NUTM2D: variants seen among roughly 807,000 people sequenced by gnomAD.
NUTM2D encodes NUT family member 2A pseudogene.
NUTM2D carries 2 observed loss-of-function variants against 43.5 expected under a neutral mutation model. That is an observed-to-expected ratio of 0.05 (90% CI 0.02 to 0.14). The LOEUF (loss-of-function observed/expected upper bound fraction) is 0.14. Ranked by LOEUF, NUTM2D falls within the 10% of genes least tolerant of loss-of-function variation. The pLI is 1.00. For missense variants in NUTM2D, 48 were observed against 668.7 expected, an observed-to-expected ratio of 0.07 and a Z score of 10.24; for synonymous variants, 24 against 276.6, an observed-to-expected ratio of 0.09 and a Z score of 9.06.
downstream of NUTM2D, chr10:87,368,359 GGT>G (rs1850323985): frequency 9.8e-6 from 1 of 101,912 alleles, no homozygotes; most frequent in African/African-American, 3.8e-5. Context: ...TCTTCTCCAC[GGT>G]CTGAGTTCTG....
At chr10:87,367,337 G>C, downstream of NUTM2D, 2 of 1,609,388 alleles carry the variant, frequency 1.2e-6, no homozygotes, top group Non-Finnish European at 1.7e-6. Context: ...GACGTAGGGA[G>C]CCCCTTCAGA....
At chr10:87,367,331 T>C (rs775225708), downstream of NUTM2D, 13 of 1,609,326 alleles carry the variant, frequency 8.1e-6, no homozygotes, top group Non-Finnish European at 9.3e-6. Flanking sequence ...CCTCCTGACG[T>C]AGGGAGCCCC....
At position 87,358,255 on chromosome 10, in the gene NUTM2D, T is replaced by G. The variant is rs201024932; in HGVS notation, c.-11T>G. 9.2e-5 allele frequency: 149 copies of G among 1,612,132 alleles called. No homozygotes were observed. The Middle Eastern group carries it at 1.9e-3, about 21-fold the overall frequency. On this transcript the variant is annotated 5_prime_UTR_variant, in exon 1 of 7. Transcript: ENST00000381697. ...ACTGCCCCTCCCCCTCTGCAGAATG[T>G]CTGGGGTCCTATGTTCCAGGAACCT...
chr10:87,365,301 G>C (rs1418479605), intron 5 of NUTM2D, 98 bp downstream of exon 5: 1 of 1,572,728 alleles, frequency 6.4e-7, no homozygotes, highest in African/African-American at 1.4e-5. Flanking sequence ...TCAGCAGTGT[G>C]TGTATTTCCA....
At chr10:87,365,339 G>A in intron 5 of NUTM2D, 136 bp downstream of exon 5, 2 of 1,509,106 alleles carry the variant, frequency 1.3e-6, no homozygotes, top group Non-Finnish European at 1.8e-6. Flanking sequence ...GTATGTGATT[G>A]TGTGTGTCTG....
At chr10:87,365,666 C>A in intron 5 of NUTM2D, 23 bp from the exon 6 acceptor site, 1 of 539,844 alleles carries the variant, frequency 1.9e-6, no homozygotes, top group East Asian at 3.0e-5. Context: ...AGGAAGCTCA[C>A]GCCTTCTTCC....
At position 87,365,762 on chromosome 10, in the gene NUTM2D, TA is replaced by T; in HGVS notation, c.1594del (p.Ser532AlafsTer15). The T allele has an allele frequency of 8.2e-7, 1 of 1,226,574 alleles. No homozygotes were observed. Among genetic ancestry groups the T allele is most frequent in the Non-Finnish European group, 1.2e-6 (1 of 849,640 alleles). 76.0% of individuals were successfully genotyped at this position (1,226,574 alleles called of 1,614,324 possible). A position where few individuals can be genotyped will look rare whatever the true frequency, so the allele number is the denominator to read the frequency against. On this transcript the variant is annotated frameshift_variant, in exon 6 of 7. Coordinates refer to ENST00000381697, the MANE Select transcript of NUTM2D (RefSeq NM_001382304.1). LOFTEE classifies it high-confidence loss of function. ...SPDPQMDFLA[L>X]SQELEQEEGL... ...GATCCACAGATGGATTTCTTGGCCCTAAGCCAGGAGCTGGAGCAGGAGGAAG... is the reference window on the plus strand; with the variant it reads ...GATCCACAGATGGATTTCTTGGCCCTAGCCAGGAGCTGGAGCAGGAGGAAG...
chr10:87,370,377 C>T (rs188654472), downstream of NUTM2D: 1 of 152,312 alleles, frequency 6.6e-6, no homozygotes, highest in Admixed American at 6.5e-5. Flanking sequence ...CAGAAGGTGC[C>T]AGACTGTTCC....
chr10:87,361,394 G>T lies in NUTM2D; in HGVS notation c.866+214G>T, dbSNP rs1331393371. Among the ~76,000 whole-genome samples, 2 of 53,224 alleles carry T rather than the reference G, an allele frequency of 3.8e-5. 1 individual carries two copies. The highest frequency in any genetic ancestry group is 8.3e-5 in the Non-Finnish European group (2 of 24,164). 34.9% of individuals were successfully genotyped at this position (53,224 alleles called of 152,430 possible). The stretch of plus-strand genomic sequence containing the variant: ...CATCTCAACTGCCCGTCACTGTCTC[G>T]TGAGTCCAGCCAATCCTTACTTTCA... On this transcript the variant is annotated intron_variant, in intron 2 of 6. Coordinates refer to ENST00000381697, the MANE Select transcript of NUTM2D (RefSeq NM_001382304.1).
chr10:87,360,678 G>A lies in NUTM2D; in HGVS notation c.364G>A (p.Gly122Ser). Residue 122 changes from glycine (G) to serine (S), a missense_variant, in exon 2 of 7, where the codon GGC becomes AGC. Transcript: ENST00000381697. ...TPLVTEQDGCGPSGAGASNVF... is the reference protein window; with the variant it reads ...TPLVTEQDGCSPSGAGASNVF... ...TCTGGTGACAGAACAGGATGGCTGC[G>A]GCCCGAGTGGGGCCGGGGCTTCCAA... The A allele has an allele frequency of 9.6e-6, 5 of 520,446 alleles. 2 individuals carry two copies. Among genetic ancestry groups the A allele is most frequent in the African/African-American group, 6.5e-5 (2 of 30,862 alleles). 32.2% of individuals were successfully genotyped at this position (520,446 alleles called of 1,614,324 possible).
At chr10:87,363,058 CAG>C (rs1170989777) in intron 2 of NUTM2D, 78 bp from the exon 3 acceptor site, 6 of 177,280 alleles carry the variant, frequency 3.4e-5, no homozygotes, top group Non-Finnish European at 6.9e-5. Flanking sequence ...GTGGGGAGGA[CAG>C]GGGCCAGGTG....
intron 1 of NUTM2D, among the ~76,000 whole-genome samples, chr10:87,359,789 G>A (rs1168460474): frequency 4.7e-5 from 7 of 148,548 alleles, no homozygotes; most frequent in Non-Finnish European, 6.0e-5. Flanking sequence ...AGCTTCCTGA[G>A]TGGCAGCCGG....
intron 1 of NUTM2D, among the ~76,000 whole-genome samples, chr10:87,359,879 C>T (rs1291349937): frequency 6.6e-6 from 1 of 152,266 alleles, no homozygotes; most frequent in Non-Finnish European, 1.5e-5. Context: ...AGGACAATCA[C>T]TTGCATGCTG....
chr10:87,367,434 T>G (rs61858526), downstream of NUTM2D: 258 of 1,557,614 alleles, frequency 1.7e-4, 2 homozygotes, highest in Non-Finnish European at 2.2e-4. Context: ...GGAGGCTTCT[T>G]GGGGCCCCCT....
downstream of NUTM2D, chr10:87,370,170 A>G (rs1564647992): frequency 1.3e-5 from 2 of 152,260 alleles, no homozygotes; most frequent in Non-Finnish European, 2.9e-5. Flanking sequence ...ATAATATTCC[A>G]TTAATGGATA....
At chr10:87,367,246 G>T (rs1850310255), downstream of NUTM2D, 2 of 1,411,384 alleles carry the variant, frequency 1.4e-6, no homozygotes, top group East Asian at 2.3e-5. Context: ...CTCCGTGGAG[G>T]GTGTCTGTGA....
chr10:87,370,018 TAACTTCA>T (rs917262801), downstream of NUTM2D: 1 of 152,158 alleles, frequency 6.6e-6, no homozygotes, highest in African/African-American at 2.4e-5. Flanking sequence ...ACTTTGATTC[TAACTTCA>T]GCGTTGCATG....
chr10:87,367,464 G>T (rs565340774), downstream of NUTM2D: 4 of 1,337,432 alleles, frequency 3.0e-6, no homozygotes, highest in Non-Finnish European at 3.2e-6. Flanking sequence ...CAGCATCCCT[G>T]GAAAATCCTG....
downstream of NUTM2D, chr10:87,369,475 C>T (rs1850333807): frequency 6.6e-6 from 1 of 150,566 alleles, no homozygotes; most frequent in African/African-American, 2.5e-5. Context: ...GGCCCTTTGT[C>T]CGAGCAGCCC....
Sources: allele counts gnomAD v4.1 joint callset (sites outside exome capture counted in the v4.1 genomes callset), GRCh38; gene constraint gnomAD v4.1.1; transcripts MANE v1.5; gene names NCBI Gene and HGNC (gene_info 2026-07-23, HGNC 2026-07-21).